The following RBFOX1 variants were observed in gnomAD, a reference collection of about 807,000 sequenced individuals.
The protein encoded by RBFOX1 is RNA binding protein fox-1 homolog 1.
A neutral mutation model predicts 57.7 loss-of-function variants in RBFOX1; 8 were observed. The ratio of observed to expected loss-of-function variants is 0.14; its 90% confidence interval spans 0.08 to 0.25. The LOEUF is 0.25. Among genes scored for constraint, RBFOX1 ranks in the 10% least tolerant of loss-of-function variants. RBFOX1 has a pLI of 1.00. For missense variants in RBFOX1, 611 were observed against 548.5 expected, an observed-to-expected ratio of 1.11 and a Z score of -1.14; for synonymous variants, 326 against 222.4, an observed-to-expected ratio of 1.47 and a Z score of -4.15.
intron 1 of RBFOX1, among the ~76,000 whole-genome samples, chr16:6,210,329 C>CAAA (rs1323182069): frequency 6.1e-5 from 1 of 16,398 alleles, no homozygotes; most frequent in Non-Finnish European, 1.2e-4. Context: ...AAAAAAAAAA[C>CAAA]AAAAAAACAA....
At chr16:5,830,862 A>G (rs1163815703) in intron 3 of RBFOX1, among the ~76,000 whole-genome samples, 2 of 152,080 alleles carry the variant, frequency 1.3e-5, no homozygotes, top group East Asian at 3.9e-4. Context: ...GTCTCTGCCT[A>G]CCATGCATAG....
chr16:5,282,689 A>G (rs2151151802), intron 1 of RBFOX1, among the ~76,000 whole-genome samples: 1 of 152,340 alleles, frequency 6.6e-6, no homozygotes, highest in South Asian at 2.1e-4. Flanking sequence ...TATCTGGTAG[A>G]AGAGATTTCT....
intron 1 of RBFOX1, among the ~76,000 whole-genome samples, chr16:5,329,101 G>A (rs960868098): frequency 8.5e-5 from 13 of 152,182 alleles, no homozygotes; most frequent in African/African-American, 3.1e-4. Flanking sequence ...CCATGGAGTA[G>A]TTTCCGTTAT....
Position 7,025,627 on chromosome 16 carries a change from T to TG in RBFOX1, c.-15-26423dup, listed in dbSNP as rs573512806. On this transcript the variant is annotated intron_variant, in intron 3 of 15. Transcript: ENST00000550418. The stretch of plus-strand genomic sequence containing the variant: ...GAGCTAAGGAGACCTGGGCATGTCC[T>TG]GGGGGGGTTTTGGATAGAGGGGGGC... Among the ~76,000 whole-genome samples, 25 of 152,024 alleles carry TG rather than the reference T, an allele frequency of 1.6e-4. No individual in the cohort carries two copies. In the East Asian group the frequency reaches 3.9e-3, roughly 24 times the overall value.
chr16:6,848,653 G>C (rs1301579910), intron 3 of RBFOX1, among the ~76,000 whole-genome samples: 1 of 151,682 alleles, frequency 6.6e-6, no homozygotes, highest in Non-Finnish European at 1.5e-5. Flanking sequence ...AGGAAAGGAG[G>C]GAGGGAAAAA....
intron 11 of RBFOX1, among the ~76,000 whole-genome samples, chr16:7,644,371 G>A (rs1466145766): frequency 6.6e-6 from 1 of 152,168 alleles, no homozygotes; most frequent in Non-Finnish European, 1.5e-5. Flanking sequence ...ACCTGATAAT[G>A]GAGCCTCAGA....
intron 4 of RBFOX1, among the ~76,000 whole-genome samples, chr16:7,121,645 A>G (rs1474930213): frequency 1.3e-5 from 2 of 152,052 alleles, no homozygotes; most frequent in Non-Finnish European, 2.9e-5. Flanking sequence ...TATAAGTTTA[A>G]CACAATACAA....
chr16:7,166,861 C>G (rs936419338), intron 4 of RBFOX1, among the ~76,000 whole-genome samples: 1 of 151,770 alleles, frequency 6.6e-6, no homozygotes, highest in African/African-American at 2.4e-5. Flanking sequence ...GGTGCAGGAT[C>G]CACGCTGGGG....
At chr16:6,410,960 C>G (rs2093440971) in intron 2 of RBFOX1, among the ~76,000 whole-genome samples, 1 of 152,176 alleles carries the variant, frequency 6.6e-6, no homozygotes, top group African/African-American at 2.4e-5. Flanking sequence ...CAGGCATTAC[C>G]TGAACATCCC....
In RBFOX1 at chr16:6,032,864, A is replaced by G. The variant is rs950043789; in HGVS notation, c.-127+12872A>G. On this transcript the variant is annotated intron_variant, in intron 1 of 15. Coordinates refer to ENST00000550418, the MANE Select transcript of RBFOX1 (RefSeq NM_018723.4). ...CTTTTCCCAGAAAAGTGGTTTCAAAATGCAAAACCTAGTGTAAGTTTTTTT... is the reference window on the plus strand; with the variant it reads ...CTTTTCCCAGAAAAGTGGTTTCAAAGTGCAAAACCTAGTGTAAGTTTTTTT... 2.0e-5 allele frequency among the ~76,000 whole-genome samples: 3 copies of G among 149,360 alleles called. No homozygotes were observed. In the East Asian group the frequency reaches 6.1e-4, roughly 30 times the overall value.
chr16:6,104,787 C>T (rs1031270814), intron 1 of RBFOX1, among the ~76,000 whole-genome samples: 5 of 152,106 alleles, frequency 3.3e-5, no homozygotes, highest in Admixed American at 3.3e-4. Flanking sequence ...CATAGATGAA[C>T]CTCGGAAAAC....
intron 2 of RBFOX1, among the ~76,000 whole-genome samples, chr16:6,604,133 G>T (rs1257143715): frequency 6.6e-6 from 1 of 151,710 alleles, no homozygotes; most frequent in African/African-American, 2.4e-5. Flanking sequence ...CTTACTGTTG[G>T]CAGCATCCCC....
At chr16:7,031,290 CTG>C (rs1413573276) in intron 3 of RBFOX1, among the ~76,000 whole-genome samples, 1 of 152,128 alleles carries the variant, frequency 6.6e-6, no homozygotes, top group Non-Finnish European at 1.5e-5. Context: ...TGTGACTACA[CTG>C]TAGAGATAAA....
At chr16:5,974,916 G>C (rs2060031968) in intron 4 of RBFOX1, among the ~76,000 whole-genome samples, 1 of 152,140 alleles carries the variant, frequency 6.6e-6, no homozygotes, top group African/African-American at 2.4e-5. Context: ...GCTGAGGCAG[G>C]AGAATTGCTG....
At chr16:7,225,905 A>AATAAATATATATAT (rs66510060) in intron 4 of RBFOX1, among the ~76,000 whole-genome samples, 50 of 93,728 alleles carry the variant, frequency 5.3e-4, no homozygotes, top group South Asian at 1.6e-3. Flanking sequence ...AAGTATAATA[A>AATAAATATATATAT]ATATATATAT....
chr16:7,277,471 G>C (rs879481561), intron 4 of RBFOX1, among the ~76,000 whole-genome samples: 1 of 152,134 alleles, frequency 6.6e-6, no homozygotes, highest in Non-Finnish European at 1.5e-5. Flanking sequence ...AAGCGAATAG[G>C]ACACCATTTA....
At chr16:6,169,891 A>G (rs749890176) in intron 1 of RBFOX1, among the ~76,000 whole-genome samples, 9 of 152,144 alleles carry the variant, frequency 5.9e-5, no homozygotes, top group Non-Finnish European at 1.0e-4. Flanking sequence ...CAGCCTCCCA[A>G]GTAGCTGGGA....
At chr16:7,677,115 C>A (rs967193356) in intron 14 of RBFOX1, among the ~76,000 whole-genome samples, 3 of 70,780 alleles carry the variant, frequency 4.2e-5, no homozygotes, top group Non-Finnish European at 1.1e-4. Flanking sequence ...TGACAACGCA[C>A]CTTGCTCACA....
intron 2 of RBFOX1, among the ~76,000 whole-genome samples, chr16:5,516,680 T>C (rs1426299999): frequency 6.6e-6 from 1 of 152,198 alleles, no homozygotes; most frequent in African/African-American, 2.4e-5. Flanking sequence ...CCATATGTCA[T>C]GGGCAGGACC....
Sources: gnomAD v4.1 joint callset for allele counts (sites outside exome capture counted in the v4.1 genomes callset) on GRCh38, gnomAD v4.1.1 for gene constraint, MANE v1.5 for transcripts, NCBI Gene and HGNC (gene_info 2026-07-23, HGNC 2026-07-21) for gene names.